ANAPC4: variants seen among roughly 807,000 people sequenced by gnomAD.
ANAPC4 encodes anaphase promoting complex subunit 4.
ANAPC4 carries 63 observed loss-of-function variants against 119.8 expected under a neutral mutation model. The ratio of observed to expected loss-of-function variants is 0.53; its 90% CI spans 0.43 to 0.65. ANAPC4 has a LOEUF of 0.65. ANAPC4 is among the 30% of genes least tolerant of loss of function. The pLI, the probability that ANAPC4 is intolerant of heterozygous loss-of-function variation, is 0.00. For synonymous variants in ANAPC4, 283 were observed against 318.6 expected (o/e 0.89, Z 1.19); for missense variants, 716 against 945.1 (o/e 0.76, Z 3.18).
rs999507426 is a variant in ANAPC4 at position 25,405,787 on chromosome 4, G to T, written c.1317+168G>T. On this transcript the variant is annotated intron_variant, in intron 18 of 28. Transcript: ENST00000315368. The surrounding 1 kb of genome is among the most constrained non-coding windows in gnomAD (Gnocchi z 4.6). ...TAAAAAAGAAATTTGCATGTTTTGTGTATTGTTTCATCTCATAGAATACCT... is the reference window on the plus strand; with the variant it reads ...TAAAAAAGAAATTTGCATGTTTTGTTTATTGTTTCATCTCATAGAATACCT... 2.0e-5 allele frequency among the ~76,000 whole-genome samples: 3 copies of T among 152,072 alleles called. No individual in the cohort carries two copies. Among genetic ancestry groups the T allele is most frequent in the Non-Finnish European group, 4.4e-5 (3 of 68,014 alleles).
chr4:25,390,301 C>T lies in ANAPC4; in HGVS notation c.600+81C>T. On this transcript the variant is annotated intron_variant, in intron 8 of 28. Coordinates refer to ENST00000315368, the MANE Select transcript of ANAPC4 (RefSeq NM_013367.3). ...GTACTTATGGAAAAAGAATAAAACA[C>T]TAGGTTTTTTTTCAGTTTCGATTTT... 5.8e-6 allele frequency: 6 copies of T among 1,041,426 alleles called. No homozygotes were observed. The South Asian group carries it at 1.1e-4, about 18-fold the overall frequency. 64.5% of individuals were successfully genotyped at this position (1,041,426 alleles called of 1,614,324 possible). A position where few individuals can be genotyped will look rare whatever the true frequency, so the allele number is the denominator to read the frequency against.
intron 4 of ANAPC4, 117 bp downstream of exon 4, chr4:25,383,510 C>A: frequency 9.8e-7 from 1 of 1,020,212 alleles, no homozygotes; most frequent in African/African-American, 1.6e-5. Flanking sequence ...ATTTTGGTTT[C>A]AGTTTATCAA....
chr4:25,399,875 A>G (rs935842115), intron 16 of ANAPC4, among the ~76,000 whole-genome samples: 2 of 152,192 alleles, frequency 1.3e-5, no homozygotes, highest in African/African-American at 4.8e-5. Context: ...AGAACTAGCA[A>G]AGGAAATGGG....
chr4:25,410,080 A>G (rs1723478763), intron 21 of ANAPC4, among the ~76,000 whole-genome samples: 3 of 152,222 alleles, frequency 2.0e-5, no homozygotes, highest in Non-Finnish European at 2.9e-5. Context: ...GAGGGAAACT[A>G]TAGAGCCAAA....
chr4:25,405,215 A>G lies in ANAPC4; in HGVS notation c.1271-358A>G, dbSNP rs1282992778. On this transcript the variant is annotated intron_variant, in intron 17 of 28. Coordinates refer to ENST00000315368, the MANE Select transcript of ANAPC4 (RefSeq NM_013367.3). This position sits in a 1 kb window ranked among gnomAD's most constrained non-coding sequence, Gnocchi z 4.6. ...TTTGGTATCATAAGGCTTTGGAGGA[A>G]AAAATGGCTTGCAGATTTTAAGAGC... Among the ~76,000 whole-genome samples the G allele has an allele frequency of 6.6e-6, 1 of 151,992 alleles. No homozygotes were observed. Among genetic ancestry groups the G allele is most frequent in the Non-Finnish European group, 1.5e-5 (1 of 67,988 alleles).
chr4:25,407,355 C>T (rs886440867), intron 20 of ANAPC4, 102 bp downstream of exon 20: 2 of 805,170 alleles, frequency 2.5e-6, no homozygotes, highest in Non-Finnish European at 3.7e-6. Context: ...GATCTCTGCC[C>T]TTTTAGTAAA....
intron 21 of ANAPC4, among the ~76,000 whole-genome samples, chr4:25,411,948 G>T (rs1723589743): frequency 6.6e-6 from 1 of 152,298 alleles, no homozygotes; most frequent in Middle Eastern, 3.4e-3. Context: ...TAAGGATGCA[G>T]TCCCACAAGA....
At chr4:25,413,829 A>G in intron 22 of ANAPC4, 87 bp downstream of exon 22, 1 of 1,035,990 alleles carries the variant, frequency 9.7e-7, no homozygotes, top group Non-Finnish European at 1.4e-6. Context: ...CTTAATTTTT[A>G]GAATGAACTA....
At chr4:25,388,439 T>A in intron 4 of ANAPC4, 61 bp from the exon 5 acceptor site, 1 of 1,173,754 alleles carries the variant, frequency 8.5e-7, no homozygotes, top group East Asian at 2.3e-5. Flanking sequence ...TTAGCATTTT[T>A]AATGGCAAGA....
At chr4:25,378,508 A>G (rs545441900) in intron 2 of ANAPC4, among the ~76,000 whole-genome samples, 14 of 152,290 alleles carry the variant, frequency 9.2e-5, no homozygotes, top group African/African-American at 3.4e-4. Context: ...GGCTCTAGAG[A>G]GCAGCAGGTG....
At position 25,405,143 on chromosome 4, in the gene ANAPC4, T is replaced by C. The variant is rs1164172852; in HGVS notation, c.1271-430T>C. Reference sequence around the variant, plus strand: ...TAGATCAAAGAAAAGTACATAAATATACTGTAAGCGCGTAGCAGAAAAGAC... The same window carrying C: ...TAGATCAAAGAAAAGTACATAAATACACTGTAAGCGCGTAGCAGAAAAGAC... On this transcript the variant is annotated intron_variant, in intron 17 of 28. Transcript: ENST00000315368. This position sits in a 1 kb window ranked among gnomAD's most constrained non-coding sequence, Gnocchi z 4.6. Among the ~76,000 whole-genome samples, 1 of 151,008 alleles carries C rather than the reference T, an allele frequency of 6.6e-6. No homozygotes were observed. The highest frequency in any genetic ancestry group is 1.9e-4 in the East Asian group (1 of 5,176).
chr4:25,413,552 G>T, intron 21 of ANAPC4, 93 bp from the exon 22 acceptor site: 1 of 881,624 alleles, frequency 1.1e-6, no homozygotes, highest in Non-Finnish European at 1.7e-6. Context: ...GAGATAAACT[G>T]TGCAGACTGG....
Position 25,418,457 on chromosome 4 carries a change from C to T in ANAPC4, c.*75C>T. Reference sequence around the variant, plus strand: ...GATGGACTAAGATGTCTTGGACCACCTTTGTGTAACAAAGAAATAAACAGT... The same window carrying T: ...GATGGACTAAGATGTCTTGGACCACTTTTGTGTAACAAAGAAATAAACAGT... On this transcript the variant is annotated 3_prime_UTR_variant, in exon 29 of 29. Transcript: ENST00000315368. The T allele has an allele frequency of 8.2e-7, 1 of 1,220,520 alleles. No individual in the cohort carries two copies. Among genetic ancestry groups the T allele is most frequent in the South Asian group, 1.4e-5 (1 of 73,778 alleles). 75.6% of individuals were successfully genotyped at this position (1,220,520 alleles called of 1,614,324 possible). A position where few individuals can be genotyped will look rare whatever the true frequency, so the allele number is the denominator to read the frequency against.
chr4:25,377,605 GCCCAAGAACACCGAGCCC>G, intron 2 of ANAPC4, 49 bp downstream of exon 2: 1 of 1,520,464 alleles, frequency 6.6e-7, no homozygotes. Context: ...CTCCCGGGGG[GCCCAAGAACACCGAGCCC>G]GAGCCTGTTC....
Position 25,394,665 on chromosome 4 carries a change from T to C in ANAPC4, c.942-6T>C, listed in dbSNP as rs1722539100. 7 of 1,592,712 alleles carry C rather than the reference T, an allele frequency of 4.4e-6. No individual in the cohort carries two copies. Among genetic ancestry groups the C allele is most frequent in the African/African-American group, 1.4e-5 (1 of 73,674 alleles). On this transcript the variant is annotated splice_region_variant and splice_polypyrimidine_tract_variant and intron_variant, in intron 12 of 28. Transcript: ENST00000315368. ...GTGACTAAAAATACTTTGTTTTTCA[T>C]TGTAGTGCTGAACTTCAGACTCTCT...
At chr4:25,379,028 G>C (rs115318942) in intron 2 of ANAPC4, among the ~76,000 whole-genome samples, 1,675 of 152,316 alleles carry the variant, frequency 0.011, 42 homozygotes, top group African/African-American at 0.038. Context: ...ACAGGTGGTA[G>C]AATCAATAGA....
chr4:25,403,608 G>C (rs1458925692), intron 17 of ANAPC4, among the ~76,000 whole-genome samples: 1 of 152,162 alleles, frequency 6.6e-6, no homozygotes, highest in Non-Finnish European at 1.5e-5. Context: ...TTCGTCTTCT[G>C]TCTTTAGATC....
At chr4:25,407,414 TA>T (rs1273288081) in intron 20 of ANAPC4, among the ~76,000 whole-genome samples, 161 bp downstream of exon 20, 1 of 152,140 alleles carries the variant, frequency 6.6e-6, no homozygotes, top group African/African-American at 2.4e-5. Context: ...AGAACACTTT[TA>T]CATTCTTAAA....
chr4:25,406,733 G>C, intron 18 of ANAPC4, 96 bp from the exon 19 acceptor site: 2 of 906,452 alleles, frequency 2.2e-6, no homozygotes, highest in Non-Finnish European at 1.7e-6. Flanking sequence ...GCTTTTAGTA[G>C]ATAGTAAAAA....
Sources: allele counts gnomAD v4.1 joint callset (sites outside exome capture counted in the v4.1 genomes callset), GRCh38; gene constraint gnomAD v4.1.1; non-coding constraint Gnocchi (gnomAD v3.1); transcripts MANE v1.5; gene names NCBI Gene and HGNC (gene_info 2026-07-23, HGNC 2026-07-21).